GPRIN3: variants seen among roughly 807,000 people sequenced by gnomAD.
GPRIN3 encodes the protein GPRIN family member 3, also known as G protein-regulated inducer of neurite outgrowth 3.
A neutral mutation model predicts 13.7 loss-of-function variants in GPRIN3; 12 were observed. That is an observed-to-expected ratio of 0.87 (90% CI 0.56 to 1.42). GPRIN3 has a LOEUF of 1.42. Among genes scored for constraint, GPRIN3 ranks in the 40% most tolerant of loss-of-function variants. The pLI is 0.00. For synonymous variants in GPRIN3, 377 were observed against 372.7 expected, an observed-to-expected ratio of 1.01 and a Z score of -0.13; for missense variants, 1,009 against 958.7, an observed-to-expected ratio of 1.05 and a Z score of -0.69.
At chr4:89,307,030 T>C (rs1725050680) in intron 1 of GPRIN3, among the ~76,000 whole-genome samples, 1 of 152,110 alleles carries the variant, frequency 6.6e-6, no homozygotes, top group South Asian at 2.1e-4. Context: ...CTCTAGTCTC[T>C]ACCCTGATTT....
chr4:89,241,743 T>G lies in GPRIN3; in HGVS notation c.*6037A>C, dbSNP rs1328792442. The G allele has an allele frequency of 1.3e-5, 2 of 152,158 alleles. No homozygotes were observed. Among genetic ancestry groups the G allele is most frequent in the African/African-American group, 4.8e-5 (2 of 41,450 alleles). The allele number at this position is 152,158 out of a possible 1,614,324, so 9.4% of individuals were successfully genotyped here. ...ACGTAAAGATGTGATCTAAAATAAA[T>G]GTTAAGGAATCTCAACTAAAATCAT... is the stretch of plus-strand genomic sequence containing the variant. On this transcript the variant is annotated 3_prime_UTR_variant, in exon 2 of 2. Coordinates refer to ENST00000609438, the MANE Select transcript of GPRIN3 (RefSeq NM_198281.3).
chr4:89,287,799 T>C (rs1195995556), intron 1 of GPRIN3, among the ~76,000 whole-genome samples: 1 of 152,102 alleles, frequency 6.6e-6, no homozygotes, highest in East Asian at 1.9e-4. Flanking sequence ...GAGAGAAATG[T>C]TGGGAGTGTT....
At position 89,249,474 on chromosome 4, in the gene GPRIN3, A is replaced by G. The variant is rs35077666; in HGVS notation, c.637T>C (p.Ser213Pro). ...VTAARVVSHS[S>P]SPVGGPEGER... is the part of the protein sequence containing the mutation. Reference sequence around the variant, plus strand: ...CCTTCAGGTCCACCTACAGGAGAGGATGAGTGACTGACCACCCTGGCTGCT... The same window carrying G: ...CCTTCAGGTCCACCTACAGGAGAGGGTGAGTGACTGACCACCCTGGCTGCT... Residue 213 changes from serine (S) to proline (P), a missense_variant, in exon 2 of 2, where the codon TCC becomes CCC. Transcript: ENST00000609438. The G allele has an allele frequency of 3.1e-6, 5 of 1,613,880 alleles. No individual in the cohort carries two copies. The South Asian group carries it at 4.4e-5, about 14-fold the overall frequency.
chr4:89,285,971 T>C (rs1309786816), intron 1 of GPRIN3, among the ~76,000 whole-genome samples: 3 of 152,204 alleles, frequency 2.0e-5, no homozygotes, highest in Non-Finnish European at 4.4e-5. Context: ...ACTTCCTCAG[T>C]TGCAAAGACT....
intron 1 of GPRIN3, among the ~76,000 whole-genome samples, chr4:89,254,217 C>T (rs1723409177): frequency 1.3e-5 from 2 of 149,052 alleles, no homozygotes; most frequent in South Asian, 4.3e-4. Context: ...TTTCTTTTTC[C>T]TTCTTTCTCT....
At chr4:89,291,194 T>C (rs776029115) in intron 1 of GPRIN3, among the ~76,000 whole-genome samples, 11 of 152,218 alleles carry the variant, frequency 7.2e-5, no homozygotes, top group Admixed American at 6.5e-4. Context: ...CTTTAAGAAT[T>C]AACACAAGTC....
chr4:89,274,854 T>A (rs1038668524), intron 1 of GPRIN3, among the ~76,000 whole-genome samples: 5 of 152,200 alleles, frequency 3.3e-5, no homozygotes, highest in African/African-American at 1.2e-4. Context: ...TCCCAACCCC[T>A]TGTCTTTCCA....
chr4:89,259,408 C>A (rs1328308703), intron 1 of GPRIN3, among the ~76,000 whole-genome samples: 1 of 152,140 alleles, frequency 6.6e-6, no homozygotes, highest in Non-Finnish European at 1.5e-5. Flanking sequence ...ACTTCAATTG[C>A]AAGCTTATTT....
intron 1 of GPRIN3, among the ~76,000 whole-genome samples, chr4:89,262,861 T>C (rs997259685): frequency 2.0e-5 from 3 of 152,194 alleles, no homozygotes; most frequent in Admixed American, 6.5e-5. Flanking sequence ...GCTCTAGCAG[T>C]TGGTTTTCAA....
Position 89,248,338 on chromosome 4 carries a change from G to T in GPRIN3, c.1773C>A (p.Ser591Arg), listed in dbSNP as rs768225959. Residue 591 changes from serine (S) to arginine (R), a missense_variant, in exon 2 of 2, where the codon AGC becomes AGA. Ser to Arg is a moderately radical substitution (Grantham distance 110). Transcript: ENST00000609438. ...TPSPIRKNQE[S>R]TLEENRQTKT... is the part of the protein sequence containing the mutation. ...TGGTCTGTCTGTTTTCTTCTAAGGT[G>T]CTCTCCTGGTTCTTCCTAATTGGGG... 1 of 1,614,128 alleles carries T rather than the reference G, an allele frequency of 6.2e-7. No homozygotes were observed. The highest frequency in any genetic ancestry group is 8.5e-7 in the Non-Finnish European group (1 of 1,180,010).
intron 1 of GPRIN3, among the ~76,000 whole-genome samples, chr4:89,269,374 C>T (rs957678627): frequency 6.6e-6 from 1 of 152,084 alleles, no homozygotes; most frequent in South Asian, 2.1e-4. Flanking sequence ...TATTACTAAA[C>T]TTCTCTTTCA....
At chr4:89,298,031 A>G (rs1211784636) in intron 1 of GPRIN3, among the ~76,000 whole-genome samples, 1 of 152,196 alleles carries the variant, frequency 6.6e-6, no homozygotes, top group African/African-American at 2.4e-5. Flanking sequence ...AGTTATTTCT[A>G]TAATAATGTC....
At position 89,246,723 on chromosome 4, in the gene GPRIN3, G is replaced by C. The variant is rs1333963010; in HGVS notation, c.*1057C>G. On this transcript the variant is annotated 3_prime_UTR_variant, in exon 2 of 2. Coordinates refer to ENST00000609438, the MANE Select transcript of GPRIN3 (RefSeq NM_198281.3). ...TTGGTGTTGACTACATTTGTTACTG[G>C]AAGTTACTGAACCCAATTAAAAAAA... 3 of 152,092 alleles carry C rather than the reference G, an allele frequency of 2.0e-5. No individual in the cohort carries two copies. Among genetic ancestry groups the C allele is most frequent in the African/African-American group, 7.2e-5 (3 of 41,396 alleles). The allele number at this position is 152,092 out of a possible 1,614,324, so 9.4% of individuals were successfully genotyped here. A position where few individuals can be genotyped will look rare whatever the true frequency, so the allele number is the denominator to read the frequency against.
rs372590834 is a variant in GPRIN3 at position 89,249,100 on chromosome 4, G to A, written c.1011C>T (p.Pro337=). The change falls in exon 2 of 2, where the codon CCC becomes CCT. Residue 337 remains proline (P), a synonymous_variant. Coordinates refer to ENST00000609438, the MANE Select transcript of GPRIN3 (RefSeq NM_198281.3). The part of the protein sequence containing the change: ...SVESRSVSTS[P]SILTAFLKES... ...CCTTCAGAAATGCAGTGAGGATACT[G>A]GGGCTGGTGGAGACGGATCTGCTCT... The A allele has an allele frequency of 6.2e-7, 1 of 1,614,178 alleles. No individual in the cohort carries two copies.
intron 1 of GPRIN3, among the ~76,000 whole-genome samples, chr4:89,274,592 G>C (rs1724043757): frequency 6.6e-6 from 1 of 152,152 alleles, no homozygotes; most frequent in South Asian, 2.1e-4. Flanking sequence ...GGCAACACAG[G>C]GCAATGGGGA....
intron 1 of GPRIN3, among the ~76,000 whole-genome samples, chr4:89,292,101 T>C (rs1724587847): frequency 6.6e-6 from 1 of 152,156 alleles, no homozygotes; most frequent in Non-Finnish European, 1.5e-5. Context: ...CACATGCTAC[T>C]TAAATAAATG....
At chr4:89,281,730 T>G (rs574998472) in intron 1 of GPRIN3, among the ~76,000 whole-genome samples, 2 of 152,306 alleles carry the variant, frequency 1.3e-5, no homozygotes, top group South Asian at 4.1e-4. Context: ...TTTCTGTTGT[T>G]TTAAGCCACC....
At chr4:89,278,390 C>A (rs1724152605) in intron 1 of GPRIN3, among the ~76,000 whole-genome samples, 1 of 152,170 alleles carries the variant, frequency 6.6e-6, no homozygotes, top group African/African-American at 2.4e-5. Flanking sequence ...TCATTTGCCA[C>A]AGCGATAATG....
chr4:89,248,585 C>A lies in GPRIN3; in HGVS notation c.1526G>T (p.Cys509Phe), dbSNP rs768837354. ...TTNGHKTDPD[C>F]KLSDSCGSIS... The stretch of plus-strand genomic sequence containing the variant: ...AGAGCCACAAGAGTCAGATAGTTTG[C>A]AATCTGGGTCTGTTTTGTGGCCGTT... Residue 509 changes from cysteine to phenylalanine, a missense_variant, in exon 2 of 2, where the codon TGC becomes TTC. Physicochemically the swap from Cys to Phe is radical, Grantham distance 205. Coordinates refer to ENST00000609438, the MANE Select transcript of GPRIN3 (RefSeq NM_198281.3). The A allele has an allele frequency of 3.1e-6, 5 of 1,613,116 alleles. No individual in the cohort carries two copies. Among genetic ancestry groups the A allele is most frequent in the African/African-American group, 2.7e-5 (2 of 74,888 alleles).
Sources: allele counts gnomAD v4.1 joint callset (sites outside exome capture counted in the v4.1 genomes callset), GRCh38; gene constraint gnomAD v4.1.1; transcripts MANE v1.5; gene names NCBI Gene and HGNC (gene_info 2026-07-23, HGNC 2026-07-21).